The following HERC1 variants were observed in gnomAD, a reference collection of about 807,000 sequenced individuals.
HERC1 encodes the protein probable E3 ubiquitin-protein ligase HERC1.
A neutral mutation model predicts 554.3 loss-of-function variants in HERC1; 160 were observed. The observed-to-expected ratio is 0.29, with a 90% CI of 0.25 to 0.33. The LOEUF is 0.33. Ranked by LOEUF, HERC1 falls within the 10% of genes least tolerant of loss-of-function variation. HERC1 has a pLI of 1.00. For synonymous variants in HERC1, 2,175 were observed against 2,131.7 expected, an observed-to-expected ratio of 1.02 and a Z score of -0.56; for missense variants, 4,919 against 5,918.5, an observed-to-expected ratio of 0.83 and a Z score of 5.54.
At chr15:63,744,645 A>T (rs1441659040) in intron 12 of HERC1, among the ~76,000 whole-genome samples, 1 of 152,188 alleles carries the variant, frequency 6.6e-6, no homozygotes, top group Non-Finnish European at 1.5e-5. Flanking sequence ...GGCCACAAGG[A>T]GTATTGCCAG....
chr15:63,645,425 G>A (rs543095832), intron 56 of HERC1, 58 bp downstream of exon 56: 4 of 1,286,620 alleles, frequency 3.1e-6, no homozygotes, highest in African/African-American at 3.0e-5. Flanking sequence ...ACTTAATGCA[G>A]ATAACAGTCT....
At chr15:63,763,897 A>G (rs1482703418) in intron 3 of HERC1, among the ~76,000 whole-genome samples, 199 bp downstream of exon 3, 1 of 152,154 alleles carries the variant, frequency 6.6e-6, no homozygotes, top group African/African-American at 2.4e-5. Flanking sequence ...AAATAAATGA[A>G]AGGGTATACA....
At chr15:63,643,322 T>C in intron 58 of HERC1, 82 bp downstream of exon 58, 6 of 1,240,146 alleles carry the variant, frequency 4.8e-6, no homozygotes, top group Non-Finnish European at 4.5e-6. Context: ...AAAATGTTTC[T>C]ACAATTGGTT....
intron 2 of HERC1, among the ~76,000 whole-genome samples, chr15:63,766,403 C>T (rs1428317745): frequency 6.6e-6 from 1 of 152,064 alleles, no homozygotes; most frequent in Non-Finnish European, 1.5e-5. Flanking sequence ...GCCTGGCCAA[C>T]ATGGTAAAAC....
chr15:63,647,652 T>C (rs2069427693), intron 55 of HERC1, among the ~76,000 whole-genome samples: 2 of 152,122 alleles, frequency 1.3e-5, no homozygotes, highest in South Asian at 4.2e-4. Flanking sequence ...ATATAAACAA[T>C]GGAATACTAT....
At position 63,699,008 on chromosome 15, in the gene HERC1, C is replaced by A; in HGVS notation, c.4637-12G>T. 6.3e-7 allele frequency: 1 copy of A among 1,595,238 alleles called. No homozygotes were observed. The highest frequency in any genetic ancestry group is 8.6e-7 in the Non-Finnish European group (1 of 1,166,458). On this transcript the variant is annotated splice_polypyrimidine_tract_variant and intron_variant, in intron 25 of 77. Coordinates refer to ENST00000443617, the MANE Select transcript of HERC1 (RefSeq NM_003922.4). ...ACTGTGCATAGGACCTATATACAAACAGAATAAACATATATCAATGGCAAT... is the reference window on the plus strand; with the variant it reads ...ACTGTGCATAGGACCTATATACAAAAAGAATAAACATATATCAATGGCAAT...
rs111873527 is a variant in HERC1, at chr15:63,709,167, T to A, written c.4585-2336A>T. 8.9e-4 allele frequency among the ~76,000 whole-genome samples: 135 copies of A among 151,042 alleles called. 2 individuals carry two copies. In the East Asian group the frequency reaches 0.019, roughly 21 times the overall value. On this transcript the variant is annotated intron_variant, in intron 24 of 77. Transcript: ENST00000443617. ...ACACCCAGCTAATATATATATATAT[T>A]TTTTATTTTTTTGTAAAGACAAGGT...
At chr15:63,700,499 A>G (rs1485901497) in intron 25 of HERC1, among the ~76,000 whole-genome samples, 1 of 152,118 alleles carries the variant, frequency 6.6e-6, no homozygotes, top group Non-Finnish European at 1.5e-5. Flanking sequence ...GGTGTCAATT[A>G]AACCCTAGGA....
chr15:63,827,778 T>C (rs1243778751), intron 1 of HERC1, among the ~76,000 whole-genome samples: 1 of 152,218 alleles, frequency 6.6e-6, no homozygotes, highest in Non-Finnish European at 1.5e-5. Context: ...ATGTAGTATA[T>C]TCACATAACG....
chr15:63,613,940 G>A (rs536002679), intron 76 of HERC1, among the ~76,000 whole-genome samples: 1 of 152,114 alleles, frequency 6.6e-6, no homozygotes, highest in African/African-American at 2.4e-5. Flanking sequence ...TCTGCCAAAC[G>A]AAAACAAAAA....
In HERC1 at chr15:63,692,321, C is replaced by T; in HGVS notation, c.5830+90G>A. 4 of 972,150 alleles carry T rather than the reference C, an allele frequency of 4.1e-6. No individual in the cohort carries two copies. Among genetic ancestry groups the T allele is most frequent in the Non-Finnish European group, 5.9e-6 (4 of 676,638 alleles). The allele number at this position is 972,150 out of a possible 1,614,324, so 60.2% of individuals were successfully genotyped here. ...AAGAAAAGCCTTCAAATCAAGGTTA[C>T]ACATGGAGTGTTGCTAAAGTCTGGC... On this transcript the variant is annotated intron_variant, in intron 31 of 77. Transcript: ENST00000443617. The surrounding 1 kb of genome is among the most constrained non-coding windows in gnomAD (Gnocchi z 4.7).
At chr15:63,730,147 G>GT (rs200361336) in intron 14 of HERC1, among the ~76,000 whole-genome samples, 1,944 of 135,342 alleles carry the variant, frequency 0.014, 23 homozygotes, top group East Asian at 0.026. Context: ...ACTTCTATTT[G>GT]TTTTTTCCAT....
At chr15:63,632,894 C>T in intron 67 of HERC1, 83 bp from the exon 68 acceptor site, 1 of 882,820 alleles carries the variant, frequency 1.1e-6, no homozygotes. Flanking sequence ...GTATCAAGAA[C>T]TACCTTCCAA....
At chr15:63,660,894 T>C (rs1566983534) in intron 46 of HERC1, 79 bp downstream of exon 46, 2 of 881,148 alleles carry the variant, frequency 2.3e-6, no homozygotes, top group Non-Finnish European at 3.8e-6. Context: ...CACACGAAGG[T>C]GAATTTTAGT....
chr15:63,726,697 T>G (rs2074053584), intron 17 of HERC1, among the ~76,000 whole-genome samples: 1 of 152,190 alleles, frequency 6.6e-6, no homozygotes, highest in Non-Finnish European at 1.5e-5. Flanking sequence ...CCAGAGTCTG[T>G]CTACAAACAA....
chr15:63,739,447 T>C (rs1264125716), intron 12 of HERC1, among the ~76,000 whole-genome samples: 2 of 151,326 alleles, frequency 1.3e-5, no homozygotes, highest in African/African-American at 4.8e-5. Context: ...TCTACCCTCC[T>C]CGGCATCCCA....
At chr15:63,684,107 AGT>A (rs2071620246) in intron 34 of HERC1, among the ~76,000 whole-genome samples, 1 of 152,200 alleles carries the variant, frequency 6.6e-6, no homozygotes. Context: ...CCACGAAAAG[AGT>A]GTGTTTTCTG....
intron 1 of HERC1, among the ~76,000 whole-genome samples, chr15:63,824,759 A>C (rs1596332406): frequency 6.6e-6 from 1 of 152,050 alleles, no homozygotes; most frequent in East Asian, 1.9e-4. Flanking sequence ...AATAGTATTC[A>C]GCTTTCAAAA....
chr15:63,832,432 T>C (rs996244707), intron 1 of HERC1, among the ~76,000 whole-genome samples: 1 of 152,098 alleles, frequency 6.6e-6, no homozygotes, highest in Non-Finnish European at 1.5e-5. Context: ...TATGAAACAA[T>C]GTCACAGAAC....
Sources: allele counts gnomAD v4.1 joint callset (sites outside exome capture counted in the v4.1 genomes callset), GRCh38; gene constraint gnomAD v4.1.1; non-coding constraint Gnocchi (gnomAD v3.1); transcripts MANE v1.5; gene names NCBI Gene and HGNC (gene_info 2026-07-23, HGNC 2026-07-21).